PCDHGB3: variants seen among roughly 807,000 people sequenced by gnomAD.
PCDHGB3 encodes the protein protocadherin gamma subfamily B, 3.
A neutral mutation model predicts 59.2 loss-of-function variants in PCDHGB3; 40 were observed. The ratio of observed to expected loss-of-function variants is 0.68; its 90% CI spans 0.52 to 0.88. The LOEUF (loss-of-function observed/expected upper bound fraction) is 0.88, where lower values mean the gene tolerates loss of function less well. PCDHGB3 is among the 40% of genes least tolerant of loss of function. PCDHGB3 has a pLI of 0.00. For missense variants in PCDHGB3, 1,309 were observed against 1,187.9 expected (o/e 1.10, Z -1.50); for synonymous variants, 581 against 503.6 (o/e 1.15, Z -2.06).
chr5:141,442,675 G>A (rs1381554808), intron 1 of PCDHGB3, among the ~76,000 whole-genome samples: 1 of 152,248 alleles, frequency 6.6e-6, no homozygotes, highest in Admixed American at 6.5e-5. Context: ...GTGAGCTTGA[G>A]GGACAGTAGT....
At chr5:141,382,958 TG>T in intron 1 of PCDHGB3, 1 of 1,606,924 alleles carries the variant, frequency 6.2e-7, no homozygotes, top group Middle Eastern at 1.7e-4. Flanking sequence ...TCCATCCTCC[TG>T]GGGACCCCCT....
chr5:141,422,616 C>T, intron 1 of PCDHGB3: 1 of 1,613,714 alleles, frequency 6.2e-7, no homozygotes. Flanking sequence ...CCTACATTCC[C>T]GAAAACAACC....
At chr5:141,494,075 C>T (rs1482844644) in intron 1 of PCDHGB3, among the ~76,000 whole-genome samples, 7 of 152,322 alleles carry the variant, frequency 4.6e-5, no homozygotes, top group East Asian at 1.9e-4. Context: ...GATCCCTCCC[C>T]GCTGCATCCC....
intron 1 of PCDHGB3, among the ~76,000 whole-genome samples, chr5:141,456,882 G>A (rs1039329600): frequency 6.6e-6 from 1 of 152,156 alleles, no homozygotes; most frequent in Non-Finnish European, 1.5e-5. Context: ...AGAATCGCTT[G>A]AACCCGGGAG....
intron 1 of PCDHGB3, chr5:141,399,946 GC>G: frequency 6.2e-7 from 1 of 1,612,270 alleles, no homozygotes. Context: ...CGTGCTGCAG[GC>G]TAGCGAGCCC....
At chr5:141,394,494 G>A (rs771645801) in intron 1 of PCDHGB3, 4 of 1,614,200 alleles carry the variant, frequency 2.5e-6, no homozygotes, top group Non-Finnish European at 1.7e-6. Flanking sequence ...CAACGCGCCC[G>A]AGATCCTGTA....
intron 1 of PCDHGB3, chr5:141,375,663 A>G: frequency 6.2e-7 from 1 of 1,614,108 alleles, no homozygotes; most frequent in South Asian, 1.1e-5. Context: ...CAGTTGAGAG[A>G]CCTACAGCTG....
chr5:141,382,171 G>A (rs1325332399), intron 1 of PCDHGB3, among the ~76,000 whole-genome samples: 3 of 151,984 alleles, frequency 2.0e-5, no homozygotes, highest in East Asian at 3.8e-4. Flanking sequence ...GTGTTAGACC[G>A]TCTCTAAGGT....
chr5:141,491,648 T>C lies in PCDHGB3; in HGVS notation c.2416-3159T>C. ...GTTCAGCAGCCCACAGCTCTGGCGC[T>C]GGAGCCTGACGCCATCCGGTCCCGC... On this transcript the variant is annotated intron_variant, in intron 1 of 3. Transcript: ENST00000576222. The surrounding 1 kb of genome is among the most constrained non-coding windows in gnomAD (Gnocchi z 6.9). 2 of 1,613,834 alleles carry C rather than the reference T, an allele frequency of 1.2e-6. No individual in the cohort carries two copies. Among genetic ancestry groups the C allele is most frequent in the South Asian group, 1.1e-5 (1 of 91,082 alleles).
intron 1 of PCDHGB3, among the ~76,000 whole-genome samples, chr5:141,450,093 G>A (rs1330425383): frequency 2.8e-5 from 4 of 143,748 alleles, no homozygotes; most frequent in East Asian, 2.1e-4. Context: ...TGCAACCTCC[G>A]CCTCCCAGGT....
rs186028114 is a variant in PCDHGB3, at chr5:141,387,416, T to C, written c.2415+14607T>C. ...ATGTTTGAAGATTGGGGAAAGCTTA[T>C]GTCAATAAATGTTTATGTACTTAAT... On this transcript the variant is annotated intron_variant, in intron 1 of 3. Coordinates refer to ENST00000576222, the MANE Select transcript of PCDHGB3 (RefSeq NM_018924.5). 6.8e-4 allele frequency among the ~76,000 whole-genome samples: 103 copies of C among 152,364 alleles called. 1 individual carries two copies. The highest frequency in any genetic ancestry group is 3.4e-3 in the Middle Eastern group (1 of 294).
intron 1 of PCDHGB3, chr5:141,423,074 G>T (rs2096705802): frequency 6.2e-7 from 1 of 1,614,006 alleles, no homozygotes; most frequent in African/African-American, 1.3e-5. Flanking sequence ...AGCGAGCCGG[G>T]ACTCTTCGCG....
intron 1 of PCDHGB3, chr5:141,394,616 C>G: frequency 6.2e-7 from 1 of 1,613,490 alleles, no homozygotes; most frequent in Non-Finnish European, 8.5e-7. Flanking sequence ...CGGGCCAGAA[C>G]GCCTGGCTGT....
Position 141,490,600 on chromosome 5 carries a change from T to G in PCDHGB3, c.2416-4207T>G. 6.2e-7 allele frequency: 1 copy of G among 1,614,164 alleles called. No homozygotes were observed. Among genetic ancestry groups the G allele is most frequent in the South Asian group, 1.1e-5 (1 of 91,072 alleles). ...AGATGTCAATGACAATGCACCCCGCTTCAACCAGCAGCTTTACACTGCTTA... is the reference window on the plus strand; with the variant it reads ...AGATGTCAATGACAATGCACCCCGCGTCAACCAGCAGCTTTACACTGCTTA... On this transcript the variant is annotated intron_variant, in intron 1 of 3. Coordinates refer to ENST00000576222, the MANE Select transcript of PCDHGB3 (RefSeq NM_018924.5). The surrounding 1 kb of genome is among the most constrained non-coding windows in gnomAD (Gnocchi z 5.4).
At chr5:141,430,396 A>G (rs1433813025) in intron 1 of PCDHGB3, among the ~76,000 whole-genome samples, 5 of 151,842 alleles carry the variant, frequency 3.3e-5, no homozygotes, top group Non-Finnish European at 7.4e-5. Context: ...AAAAAAAAAA[A>G]GCTCACTAAA....
chr5:141,394,625 G>A, intron 1 of PCDHGB3: 1 of 1,613,496 alleles, frequency 6.2e-7, no homozygotes, highest in African/African-American at 1.3e-5. Flanking sequence ...ACGCCTGGCT[G>A]TCCTACCGCC....
intron 1 of PCDHGB3, chr5:141,384,203 A>T (rs568171038): frequency 6.2e-7 from 1 of 1,613,900 alleles, no homozygotes; most frequent in African/African-American, 1.3e-5. Context: ...TTGTCCAGGG[A>T]AACTCACATA....
intron 1 of PCDHGB3, chr5:141,428,156 C>A: frequency 6.3e-7 from 1 of 1,579,884 alleles, no homozygotes; most frequent in Non-Finnish European, 8.6e-7. Context: ...CGGGAACCTG[C>A]TGGTTGCTGT....
At position 141,418,204 on chromosome 5, in the gene PCDHGB3, T is replaced by G. The variant is rs1456912993; in HGVS notation, c.2415+45395T>G. ...AAGCTGTGGTGGAAAATCCTTTAAATATTTTTCATGTCATTGTGGTGATTG... is the reference window on the plus strand; with the variant it reads ...AAGCTGTGGTGGAAAATCCTTTAAAGATTTTTCATGTCATTGTGGTGATTG... On this transcript the variant is annotated intron_variant, in intron 1 of 3. Transcript: ENST00000576222. The G allele has an allele frequency of 2.5e-6, 4 of 1,614,054 alleles. No homozygotes were observed. The East Asian group carries it at 8.9e-5, about 36-fold the overall frequency.
Sources: gnomAD v4.1 joint callset for allele counts (sites outside exome capture counted in the v4.1 genomes callset) on GRCh38, gnomAD v4.1.1 for gene constraint, Gnocchi (gnomAD v3.1) non-coding constraint, MANE v1.5 for transcripts, NCBI Gene and HGNC (gene_info 2026-07-23, HGNC 2026-07-21) for gene names.